The following PRKAG2 variants were observed in gnomAD, a reference collection of about 807,000 sequenced individuals.
The protein encoded by PRKAG2 is 5'-AMP-activated protein kinase subunit gamma-2.
Under a neutral mutation model 69.6 loss-of-function variants are expected in PRKAG2, and 26 were observed. That is an observed-to-expected ratio of 0.37 (90% CI 0.27 to 0.52). The LOEUF (loss-of-function observed/expected upper bound fraction) is 0.52, where lower values mean the gene tolerates loss of function less well. PRKAG2 is among the 20% of genes least tolerant of loss of function. The pLI is 0.90. For synonymous variants in PRKAG2, 293 were observed against 285.0 expected, an observed-to-expected ratio of 1.03 and a Z score of -0.28; for missense variants, 557 against 740.0, an observed-to-expected ratio of 0.75 and a Z score of 2.87.
chr7:151,867,764 C>T (rs965218421), intron 1 of PRKAG2, among the ~76,000 whole-genome samples: 6 of 152,164 alleles, frequency 3.9e-5, no homozygotes, highest in African/African-American at 1.2e-4. Flanking sequence ...GGTTTCTGGT[C>T]CCAGCACTAA....
rs115521656 is a variant in PRKAG2, at chr7:151,701,566, G to A, written c.467-25929C>T. On this transcript the variant is annotated intron_variant, in intron 3 of 15. Coordinates refer to ENST00000287878, the MANE Select transcript of PRKAG2 (RefSeq NM_016203.4). ...AGCCAAAGAATAAGGATTGCCGGCC[G>A]GGCGTGGTGGCTCACACCTGTAATC... Among the ~76,000 whole-genome samples, 1,315 of 152,262 alleles carry A rather than the reference G, an allele frequency of 8.6e-3. 23 individuals carry two copies. Among genetic ancestry groups the A allele is most frequent in the African/African-American group, 0.029 (1,210 of 41,552 alleles).
intron 5 of PRKAG2, among the ~76,000 whole-genome samples, chr7:151,630,852 T>A (rs1241302139): frequency 1.3e-5 from 2 of 152,248 alleles, no homozygotes; most frequent in African/African-American, 4.8e-5. Flanking sequence ...TTCTGTAGGA[T>A]GAAATGCAAA....
chr7:151,588,838 T>G (rs1971030), intron 6 of PRKAG2, among the ~76,000 whole-genome samples: 1 of 152,036 alleles, frequency 6.6e-6, no homozygotes, highest in East Asian at 1.9e-4. Flanking sequence ...GTCTCAGGTA[T>G]GTCTTTATTG....
At chr7:151,609,870 C>T (rs1461291264) in intron 5 of PRKAG2, among the ~76,000 whole-genome samples, 7 of 152,230 alleles carry the variant, frequency 4.6e-5, no homozygotes, top group African/African-American at 1.7e-4. Context: ...CTTAGCGGTT[C>T]CGTGCCCACC....
chr7:151,875,714 C>A (rs1302324109), intron 1 of PRKAG2, among the ~76,000 whole-genome samples: 1 of 151,934 alleles, frequency 6.6e-6, no homozygotes, highest in Admixed American at 6.5e-5. Flanking sequence ...GAACAGTGGC[C>A]GCGGGCTACC....
intron 3 of PRKAG2, among the ~76,000 whole-genome samples, chr7:151,681,058 C>T (rs1234380502): frequency 6.6e-6 from 1 of 152,204 alleles, no homozygotes; most frequent in South Asian, 2.1e-4. Context: ...CCACCCCCTG[C>T]CGAGAGCTCT....
At chr7:151,727,838 C>A (rs1267497911) in intron 3 of PRKAG2, among the ~76,000 whole-genome samples, 1 of 152,160 alleles carries the variant, frequency 6.6e-6, no homozygotes, top group East Asian at 1.9e-4. Flanking sequence ...GCTGATGTGT[C>A]ATCTCTTCCA....
intron 4 of PRKAG2, among the ~76,000 whole-genome samples, chr7:151,650,668 C>G (rs1206612099): frequency 1.3e-5 from 2 of 152,172 alleles, no homozygotes; most frequent in African/African-American, 4.8e-5. Context: ...TTGCTTTTCC[C>G]CATCAATGTC....
At chr7:151,715,963 A>T (rs1017927293) in intron 3 of PRKAG2, among the ~76,000 whole-genome samples, 4 of 152,154 alleles carry the variant, frequency 2.6e-5, no homozygotes, top group Non-Finnish European at 5.9e-5. Flanking sequence ...ATATTTATAG[A>T]TGAAATGATA....
intron 15 of PRKAG2, chr7:151,557,515 T>C: frequency 1.0e-6 from 1 of 984,564 alleles, no homozygotes; most frequent in Non-Finnish European, 1.2e-6. Flanking sequence ...AAGAAATATG[T>C]AGGTATGTTT....
At chr7:151,671,529 T>C (rs1303850407) in intron 4 of PRKAG2, among the ~76,000 whole-genome samples, 1 of 152,216 alleles carries the variant, frequency 6.6e-6, no homozygotes, top group East Asian at 1.9e-4. Flanking sequence ...CCCACCCTGC[T>C]GCCAGAATGT....
rs761424953 is a variant in PRKAG2, at chr7:151,781,837, C to T, written c.187-406G>A. Among the ~76,000 whole-genome samples the T allele has an allele frequency of 1.3e-5, 2 of 152,186 alleles. No homozygotes were observed. The highest frequency in any genetic ancestry group is 2.9e-5 in the Non-Finnish European group (2 of 68,034). On this transcript the variant is annotated intron_variant, in intron 2 of 15. Coordinates refer to ENST00000287878, the MANE Select transcript of PRKAG2 (RefSeq NM_016203.4). The surrounding 1 kb of genome is among the most constrained non-coding windows in gnomAD (Gnocchi z 6.1). ...ACAGGACTGCAGTCCTCTTGCCTGC[C>T]TATAAGATCCCTATGTTCCAGAACA...
At chr7:151,575,673 G>A (rs1230393115) in intron 7 of PRKAG2, among the ~76,000 whole-genome samples, 1 of 152,198 alleles carries the variant, frequency 6.6e-6, no homozygotes, top group African/African-American at 2.4e-5. Flanking sequence ...CTAGCGAGAT[G>A]AGTGCGGGGC....
intron 4 of PRKAG2, among the ~76,000 whole-genome samples, chr7:151,667,121 C>T (rs552291362): frequency 8.5e-5 from 13 of 152,178 alleles, no homozygotes; most frequent in Non-Finnish European, 1.8e-4. Flanking sequence ...TTTGCACCAA[C>T]CTGGGATAAC....
intron 3 of PRKAG2, 51 bp from the exon 4 acceptor site, chr7:151,675,688 C>T (rs753254591): frequency 1.3e-5 from 20 of 1,530,120 alleles, no homozygotes; most frequent in Middle Eastern, 3.4e-4. Flanking sequence ...CAGGAAGGGA[C>T]GTCGGGGGTG....
intron 5 of PRKAG2, among the ~76,000 whole-genome samples, chr7:151,606,551 G>A (rs1403943628): frequency 6.6e-6 from 1 of 152,184 alleles, no homozygotes; most frequent in African/African-American, 2.4e-5. Context: ...CGCGTGCGGT[G>A]GCTCACGCCT....
intron 1 of PRKAG2, among the ~76,000 whole-genome samples, chr7:151,799,415 G>A (rs900269731): frequency 2.6e-5 from 4 of 152,180 alleles, no homozygotes; most frequent in South Asian, 2.1e-4. Context: ...TCCCTCGCAC[G>A]GGCCTGGCTA....
chr7:151,591,500 T>A (rs1813129386), intron 6 of PRKAG2, among the ~76,000 whole-genome samples: 1 of 151,628 alleles, frequency 6.6e-6, no homozygotes, highest in South Asian at 2.1e-4. Flanking sequence ...GAACCGGGGG[T>A]CTCACACCCC....
intron 4 of PRKAG2, among the ~76,000 whole-genome samples, chr7:151,650,594 A>G (rs1375819396): frequency 1.3e-5 from 2 of 152,192 alleles, no homozygotes; most frequent in African/African-American, 2.4e-5. Context: ...AAACCTTTTC[A>G]GGGAGTCTAC....
Sources: allele counts gnomAD v4.1 joint callset (sites outside exome capture counted in the v4.1 genomes callset), GRCh38; gene constraint gnomAD v4.1.1; non-coding constraint Gnocchi (gnomAD v3.1); transcripts MANE v1.5; gene names NCBI Gene and HGNC (gene_info 2026-07-23, HGNC 2026-07-21).